DGKB: variants seen among roughly 807,000 people sequenced by gnomAD.
DGKB encodes the protein 90 kDa diacylglycerol kinase.
Under a neutral mutation model 114.3 loss-of-function variants are expected in DGKB, and 67 were observed. That is an observed-to-expected ratio of 0.59 (90% CI 0.48 to 0.72). DGKB has a LOEUF of 0.72. Among genes scored for constraint, DGKB ranks in the 30% least tolerant of loss-of-function variants. DGKB has a pLI of 0.00. For synonymous variants in DGKB, 398 were observed against 323.1 expected (o/e 1.23, Z -2.49); for missense variants, 907 against 975.2 (o/e 0.93, Z 0.93).
At chr7:14,689,573 A>C (rs1033892856) in intron 9 of DGKB, among the ~76,000 whole-genome samples, 4 of 152,112 alleles carry the variant, frequency 2.6e-5, no homozygotes, top group Non-Finnish European at 5.9e-5. Context: ...TCAACTGTTC[A>C]TCTCCAGACC....
At chr7:14,685,426 C>T in intron 9 of DGKB, 64 bp from the exon 10 acceptor site, 1 of 1,204,126 alleles carries the variant, frequency 8.3e-7, no homozygotes, top group South Asian at 1.2e-5. Flanking sequence ...ATGTAAGTGC[C>T]AATGAAATTC....
intron 2 of DGKB, among the ~76,000 whole-genome samples, chr7:14,792,222 T>C (rs1367603149): frequency 6.6e-6 from 1 of 152,198 alleles, no homozygotes; most frequent in African/African-American, 2.4e-5. Flanking sequence ...AGCTGTATTA[T>C]TTGCAGTAAT....
At chr7:14,341,975 A>G (rs1015078356) in intron 22 of DGKB, among the ~76,000 whole-genome samples, 2 of 151,868 alleles carry the variant, frequency 1.3e-5, no homozygotes, top group African/African-American at 2.4e-5. Context: ...TTTTTACTCA[A>G]TGAAACGTAA....
intron 13 of DGKB, among the ~76,000 whole-genome samples, chr7:14,647,291 C>G (rs1413903284): frequency 6.6e-6 from 1 of 151,976 alleles, no homozygotes; most frequent in Admixed American, 6.6e-5. Context: ...AGACCAATTA[C>G]AAGTAACAAG....
chr7:14,705,290 C>A (rs1354714238), intron 6 of DGKB, among the ~76,000 whole-genome samples: 2 of 149,500 alleles, frequency 1.3e-5, no homozygotes, highest in Non-Finnish European at 3.0e-5. Context: ...AAGAAATGAG[C>A]AAAGCCTCCA....
chr7:14,773,367 T>TA (rs531685385), intron 2 of DGKB, among the ~76,000 whole-genome samples: 2 of 152,072 alleles, frequency 1.3e-5, no homozygotes, highest in African/African-American at 4.8e-5. Flanking sequence ...CCCCTACTAT[T>TA]AAAAAAATCA....
intron 20 of DGKB, among the ~76,000 whole-genome samples, chr7:14,569,503 G>A (rs1435938865): frequency 2.0e-5 from 3 of 152,092 alleles, no homozygotes; most frequent in Admixed American, 2.0e-4. Flanking sequence ...AGGAAGCTAG[G>A]TTTGAACATT....
chr7:14,846,627 A>G (rs1848658930), intron 1 of DGKB, among the ~76,000 whole-genome samples: 1 of 152,154 alleles, frequency 6.6e-6, no homozygotes, highest in Non-Finnish European at 1.5e-5. Context: ...TCCCCTGCAG[A>G]AGTCTTTCTT....
chr7:14,750,096 A>G (rs770535172), intron 4 of DGKB: 1 of 516,622 alleles, frequency 1.9e-6, no homozygotes. Flanking sequence ...CACAAAACCT[A>G]TGGACAAAGA....
At chr7:14,481,147 T>C (rs1419830296) in intron 20 of DGKB, among the ~76,000 whole-genome samples, 1 of 151,964 alleles carries the variant, frequency 6.6e-6, no homozygotes. Flanking sequence ...TATATAAGTA[T>C]ATGCAAATAT....
chr7:14,627,586 C>CTGTGTG (rs111786359), intron 14 of DGKB, among the ~76,000 whole-genome samples: 1,617 of 149,106 alleles, frequency 0.011, 28 homozygotes, highest in African/African-American at 0.037. Flanking sequence ...ATGTCTGTGT[C>CTGTGTG]TGTGTGTGTG....
In DGKB at chr7:14,842,839, A is replaced by G. The variant is rs566909066; in HGVS notation, c.-187-1389T>C. Among the ~76,000 whole-genome samples, 5 of 152,288 alleles carry G rather than the reference A, an allele frequency of 3.3e-5. No homozygotes were observed. The East Asian group carries it at 5.8e-4, about 18-fold the overall frequency. On this transcript the variant is annotated intron_variant, in intron 1 of 25. Transcript: ENST00000402815. ...GCTGTACCTAAATCATAACAGAAATAATTGGATACTCATTCCTGTCTAAAC... is the reference window on the plus strand; with the variant it reads ...GCTGTACCTAAATCATAACAGAAATGATTGGATACTCATTCCTGTCTAAAC...
chr7:14,241,316 C>G (rs980758106), intron 23 of DGKB, among the ~76,000 whole-genome samples: 2 of 152,076 alleles, frequency 1.3e-5, no homozygotes, highest in Non-Finnish European at 2.9e-5. Context: ...TTGGAATTTT[C>G]TTTCATGGCT....
chr7:14,422,073 A>T (rs1177677470), intron 21 of DGKB, among the ~76,000 whole-genome samples: 1 of 152,074 alleles, frequency 6.6e-6, no homozygotes, highest in East Asian at 1.9e-4. Flanking sequence ...ACCTATTTTT[A>T]AAAATGCACT....
intron 4 of DGKB, 123 bp downstream of exon 4, chr7:14,753,805 T>A (rs963672503): frequency 1.4e-6 from 1 of 734,326 alleles, no homozygotes; most frequent in Non-Finnish European, 2.3e-6. Context: ...ATAGGCAACC[T>A]TGTATACTAT....
chr7:14,169,076 T>C (rs1780419945), intron 25 of DGKB, among the ~76,000 whole-genome samples: 1 of 151,878 alleles, frequency 6.6e-6, no homozygotes, highest in Admixed American at 6.6e-5. Context: ...ATGCAAACCA[T>C]GGGCCGGGTG....
chr7:14,343,516 CT>C (rs994801915), intron 22 of DGKB, among the ~76,000 whole-genome samples: 1 of 151,610 alleles, frequency 6.6e-6, no homozygotes, highest in African/African-American at 2.4e-5. Context: ...AAACACAACA[CT>C]TTTCTTAAAG....
At chr7:14,735,461 G>A (rs1032687532) in intron 5 of DGKB, among the ~76,000 whole-genome samples, 1 of 152,000 alleles carries the variant, frequency 6.6e-6, no homozygotes, top group Non-Finnish European at 1.5e-5. Context: ...GTTTTACATT[G>A]GGTAATACAG....
At chr7:14,233,823 A>C (rs1792301848) in intron 23 of DGKB, among the ~76,000 whole-genome samples, 1 of 151,930 alleles carries the variant, frequency 6.6e-6, no homozygotes, top group Admixed American at 6.6e-5. Flanking sequence ...CACACTTCTC[A>C]ACCCCCCTCC....
Sources: gnomAD v4.1 joint callset for allele counts (sites outside exome capture counted in the v4.1 genomes callset) on GRCh38, gnomAD v4.1.1 for gene constraint, MANE v1.5 for transcripts, NCBI Gene and HGNC (gene_info 2026-07-23, HGNC 2026-07-21) for gene names.